SPOPL: variants seen among roughly 807,000 people sequenced by gnomAD.
The protein encoded by SPOPL is speckle type BTB/POZ protein like.
Under a neutral mutation model 53.8 loss-of-function variants are expected in SPOPL, and 23 were observed. The ratio of observed to expected loss-of-function variants is 0.43; its 90% CI spans 0.31 to 0.61. The LOEUF (loss-of-function observed/expected upper bound fraction) is 0.61. Among genes scored for constraint, SPOPL ranks in the 20% least tolerant of loss-of-function variants. The pLI, the probability that SPOPL is intolerant of heterozygous loss-of-function variation, is 0.12. For missense variants in SPOPL, 442 were observed against 466.9 expected, an observed-to-expected ratio of 0.95 and a Z score of 0.49; for synonymous variants, 164 against 149.7, an observed-to-expected ratio of 1.10 and a Z score of -0.70.
intron 4 of SPOPL, 40 bp downstream of exon 4, chr2:138,551,094 A>G: frequency 6.2e-7 from 1 of 1,605,042 alleles, no homozygotes. Flanking sequence ...TTTCTGTATA[A>G]CTACATATTA....
intron 1 of SPOPL, among the ~76,000 whole-genome samples, chr2:138,529,070 C>T (rs1204727819): frequency 1.3e-5 from 2 of 152,162 alleles, no homozygotes; most frequent in Non-Finnish European, 2.9e-5. Context: ...AGATAAGTTT[C>T]TGCAAAGTTG....
chr2:138,506,668 G>C (rs1262037158), intron 1 of SPOPL, among the ~76,000 whole-genome samples: 2 of 152,118 alleles, frequency 1.3e-5, no homozygotes, highest in African/African-American at 4.8e-5. Flanking sequence ...TTTCAGGGAA[G>C]GGGGAGGTAT....
At chr2:138,548,161 A>T (rs951655529) in intron 1 of SPOPL, among the ~76,000 whole-genome samples, 1 of 151,988 alleles carries the variant, frequency 6.6e-6, no homozygotes, top group Non-Finnish European at 1.5e-5. Context: ...TGACGGTTTA[A>T]AATAATCTTG....
chr2:138,528,611 G>T (rs1558867100), intron 1 of SPOPL, among the ~76,000 whole-genome samples: 1 of 152,074 alleles, frequency 6.6e-6, no homozygotes, highest in African/African-American at 2.4e-5. Context: ...TTCCGTCTTG[G>T]GTGCAGTATG....
chr2:138,516,775 C>G (rs1251668186), intron 1 of SPOPL, among the ~76,000 whole-genome samples: 5 of 152,216 alleles, frequency 3.3e-5, no homozygotes, highest in Admixed American at 2.0e-4. Flanking sequence ...GAAACAACAT[C>G]AGGGAGTTGA....
chr2:138,540,422 T>C (rs1685044157), intron 1 of SPOPL, among the ~76,000 whole-genome samples: 1 of 152,238 alleles, frequency 6.6e-6, no homozygotes, highest in South Asian at 2.1e-4. Flanking sequence ...TTTATTTCAT[T>C]GAGCAGTGGT....
rs774186922 is a variant in SPOPL at position 138,546,821 on chromosome 2, T to TA, written c.-60-3334dup. Among the ~76,000 whole-genome samples the TA allele has an allele frequency of 6.6e-5, 10 of 152,340 alleles. No individual in the cohort carries two copies. The East Asian group carries it at 1.5e-3, about 24-fold the overall frequency. On this transcript the variant is annotated intron_variant, in intron 1 of 10. Coordinates refer to ENST00000280098, the MANE Select transcript of SPOPL (RefSeq NM_001001664.3). The stretch of plus-strand genomic sequence containing the variant: ...GCTACTGAAGAATGAACAACATATA[T>TA]AATATCTTGTAAAGTGCTCACACAT...
rs1685816941 is a variant in SPOPL, at chr2:138,572,888, T to C, written c.*3808T>C. On this transcript the variant is annotated 3_prime_UTR_variant, in exon 11 of 11. Transcript: ENST00000280098. ...TTCTGTTTGCAGTATGTGAACTTTA[T>C]GTTTGAAAAGAAATTATTATATTTA... 6.6e-6 allele frequency: 1 copy of C among 152,552 alleles called. No homozygotes were observed. The highest frequency in any genetic ancestry group is 1.5e-5 in the Non-Finnish European group (1 of 68,002). The allele number at this position is 152,552 out of a possible 1,614,324, so 9.4% of individuals were successfully genotyped here.
At chr2:138,558,576 G>GT (rs1685476707) in intron 5 of SPOPL, among the ~76,000 whole-genome samples, 1 of 151,868 alleles carries the variant, frequency 6.6e-6, no homozygotes, top group Non-Finnish European at 1.5e-5. Context: ...TTTTTATACG[G>GT]TAAAAAGTCA....
At position 138,550,237 on chromosome 2, in the gene SPOPL, A is replaced by G. The variant is rs1685284472; in HGVS notation, c.21A>G (p.Pro7=). 1 of 1,613,546 alleles carries G rather than the reference A, an allele frequency of 6.2e-7. No individual in the cohort carries two copies. Residue 7 remains proline, a synonymous_variant, in exon 2 of 11, where the codon CCA becomes CCG. Coordinates refer to ENST00000280098, the MANE Select transcript of SPOPL (RefSeq NM_001001664.3). ...TGGTGATGTCTCGGGAACCCACCCCACCTCTACCTGGAGATATGTCTACTG... is the reference window on the plus strand; with the variant it reads ...TGGTGATGTCTCGGGAACCCACCCCGCCTCTACCTGGAGATATGTCTACTG... MSREPT[P]PLPGDMSTGP...
chr2:138,549,148 A>G (rs1161430513), intron 1 of SPOPL, among the ~76,000 whole-genome samples: 2 of 152,002 alleles, frequency 1.3e-5, no homozygotes, highest in Non-Finnish European at 2.9e-5. Context: ...TCCAACTATT[A>G]TTGTAGAATT....
chr2:138,516,165 G>T (rs1187446850), intron 1 of SPOPL, among the ~76,000 whole-genome samples: 7 of 152,190 alleles, frequency 4.6e-5, no homozygotes, highest in Admixed American at 1.3e-4. Context: ...CAGATAGTGG[G>T]TGGTTAGATT....
At chr2:138,549,286 C>G (rs1291505663) in intron 1 of SPOPL, among the ~76,000 whole-genome samples, 5 of 151,946 alleles carry the variant, frequency 3.3e-5, no homozygotes, top group Non-Finnish European at 7.4e-5. Flanking sequence ...ATATAATATC[C>G]TTTATCTCTC....
chr2:138,502,338 C>T lies in SPOPL; in HGVS notation c.-61+219C>T, dbSNP rs543640345. On this transcript the variant is annotated intron_variant, in intron 1 of 10. Coordinates refer to ENST00000280098, the MANE Select transcript of SPOPL (RefSeq NM_001001664.3). ...TTCCCTCGCGCGGCGGCACCACTTTCCCCGGGGTTGCCCCCAATCCCTCCT... is the reference window on the plus strand; with the variant it reads ...TTCCCTCGCGCGGCGGCACCACTTTTCCCGGGGTTGCCCCCAATCCCTCCT... Among the ~76,000 whole-genome samples the T allele has an allele frequency of 4.6e-5, 7 of 152,374 alleles. No homozygotes were observed. In the South Asian group the frequency reaches 1.2e-3, roughly 27 times the overall value.
At chr2:138,511,306 C>A (rs1684318010) in intron 1 of SPOPL, among the ~76,000 whole-genome samples, 1 of 152,078 alleles carries the variant, frequency 6.6e-6, no homozygotes, top group Non-Finnish European at 1.5e-5. Context: ...AAAATTGCAT[C>A]TTTAAGTTGT....
intron 1 of SPOPL, among the ~76,000 whole-genome samples, chr2:138,516,299 G>A (rs1029257043): frequency 1.3e-5 from 2 of 152,108 alleles, no homozygotes; most frequent in Non-Finnish European, 2.9e-5. Context: ...TGACGAGGAA[G>A]GAAGTGAAGG....
intron 5 of SPOPL, among the ~76,000 whole-genome samples, chr2:138,558,097 G>A (rs1297789359): frequency 6.6e-6 from 1 of 152,088 alleles, no homozygotes; most frequent in Non-Finnish European, 1.5e-5. Context: ...GGAGGCAGCG[G>A]TTGCAGTGAG....
chr2:138,545,143 G>T (rs998305401), intron 1 of SPOPL, among the ~76,000 whole-genome samples: 2 of 152,164 alleles, frequency 1.3e-5, no homozygotes, highest in African/African-American at 2.4e-5. Flanking sequence ...GGTGAAACTG[G>T]CCCTTCAGTC....
chr2:138,554,300 T>C (rs886587417), intron 5 of SPOPL: 1 of 207,836 alleles, frequency 4.8e-6, no homozygotes, highest in Non-Finnish European at 9.2e-6. Flanking sequence ...TCCTGAAATA[T>C]ACATCTTTTT....
Sources: gnomAD v4.1 joint callset for allele counts (sites outside exome capture counted in the v4.1 genomes callset) on GRCh38, gnomAD v4.1.1 for gene constraint, MANE v1.5 for transcripts, NCBI Gene and HGNC (gene_info 2026-07-23, HGNC 2026-07-21) for gene names.